NTN4: variants seen among roughly 807,000 people sequenced by gnomAD.
The protein encoded by NTN4 is netrin-4.
Under a neutral mutation model 73.6 loss-of-function variants are expected in NTN4, and 32 were observed. The observed-to-expected ratio is 0.44, with a 90% CI of 0.33 to 0.58. The LOEUF (loss-of-function observed/expected upper bound fraction) is 0.58, where lower values mean the gene tolerates loss of function less well. NTN4 is among the 20% of genes least tolerant of loss of function. The pLI is 0.04. For missense variants in NTN4, 654 were observed against 798.3 expected (o/e 0.82, Z 2.18); for synonymous variants, 258 against 287.5 (o/e 0.90, Z 1.04).
chr12:95,708,880 C>G (rs992912261), intron 5 of NTN4, among the ~76,000 whole-genome samples: 1 of 152,146 alleles, frequency 6.6e-6, no homozygotes, highest in Admixed American at 6.5e-5. Flanking sequence ...ACACAGCTGG[C>G]AATTGGCAGT....
intron 3 of NTN4, among the ~76,000 whole-genome samples, chr12:95,735,037 C>T (rs1292108337): frequency 6.6e-6 from 1 of 152,116 alleles, no homozygotes; most frequent in African/African-American, 2.4e-5. Context: ...GAAACTCCAT[C>T]TCAAAAAACA....
intron 5 of NTN4, among the ~76,000 whole-genome samples, chr12:95,685,105 A>G (rs1363018461): frequency 1.3e-5 from 2 of 152,152 alleles, no homozygotes; most frequent in Non-Finnish European, 2.9e-5. Context: ...GACTCAAGCG[A>G]TCTGCCCACC....
chr12:95,703,989 G>A (rs77013554), intron 5 of NTN4, among the ~76,000 whole-genome samples: 3,923 of 152,184 alleles, frequency 0.026, 61 homozygotes, highest in Middle Eastern at 0.048. Context: ...GTGCAGTGGC[G>A]TGATCCTAAC....
intron 2 of NTN4, among the ~76,000 whole-genome samples, chr12:95,783,356 A>C (rs919750711): frequency 6.6e-6 from 1 of 152,242 alleles, no homozygotes; most frequent in East Asian, 1.9e-4. Flanking sequence ...TGTATTTATA[A>C]ATGTTTCAAT....
intron 2 of NTN4, among the ~76,000 whole-genome samples, chr12:95,780,763 A>T (rs11835702): frequency 0.044 from 6,711 of 152,282 alleles, 489 homozygotes; most frequent in African/African-American, 0.15. Context: ...GGGATCTAGA[A>T]CTAGAAATAC....
chr12:95,707,037 G>C (rs548909902), intron 5 of NTN4, among the ~76,000 whole-genome samples: 1 of 152,302 alleles, frequency 6.6e-6, no homozygotes, highest in Non-Finnish European at 1.5e-5. Context: ...TAGTTTGCTT[G>C]CTAACTTCAA....
At chr12:95,742,795 C>T (rs990909947) in intron 2 of NTN4, among the ~76,000 whole-genome samples, 2 of 152,170 alleles carry the variant, frequency 1.3e-5, no homozygotes, top group African/African-American at 4.8e-5. Flanking sequence ...CCCAGCATGT[C>T]CCACAGTCTC....
chr12:95,703,221 T>A (rs1043763451), intron 5 of NTN4, among the ~76,000 whole-genome samples: 1 of 152,184 alleles, frequency 6.6e-6, no homozygotes, highest in Non-Finnish European at 1.5e-5. Flanking sequence ...AGGGCTGTCA[T>A]ATGTTCATTG....
chr12:95,670,024 C>A (rs764830170), intron 8 of NTN4, 54 bp downstream of exon 8: 5 of 1,080,622 alleles, frequency 4.6e-6, no homozygotes, highest in Admixed American at 4.6e-5. Context: ...CTTAAAAATT[C>A]TCTGAACTTA....
chr12:95,781,312 T>TA lies in NTN4; in HGVS notation c.585+5626dup, dbSNP rs1279362853. 6.6e-6 allele frequency among the ~76,000 whole-genome samples: 1 copy of TA among 151,996 alleles called. No individual in the cohort carries two copies. Among genetic ancestry groups the TA allele is most frequent in the African/African-American group, 2.4e-5 (1 of 41,364 alleles). On this transcript the variant is annotated intron_variant, in intron 2 of 9. Transcript: ENST00000343702. The surrounding 1 kb of genome is among the most constrained non-coding windows in gnomAD (Gnocchi z 4.1). The stretch of plus-strand genomic sequence containing the variant: ...GAACTTAAAGTATAATAAAAAAATT[T>TA]AAAAAACCATACCATTACCATAAAG...
At chr12:95,696,922 T>C (rs1342661921) in intron 5 of NTN4, among the ~76,000 whole-genome samples, 1 of 152,028 alleles carries the variant, frequency 6.6e-6, no homozygotes, top group African/African-American at 2.4e-5. Flanking sequence ...GTAACCTCAG[T>C]ACTTTGGGAG....
rs1213265049 is a variant in NTN4 at position 95,665,936 on chromosome 12, C to A, written c.1624G>T (p.Val542Phe). ...ILSAHDKGTH[V>F]EVNVKIKKVL... Reference sequence around the variant, plus strand: ...TTTTTAATCTTCACATTGACCTCAACATGAGTACCTTTATCATGAGCTGAT... The same window carrying A: ...TTTTTAATCTTCACATTGACCTCAAAATGAGTACCTTTATCATGAGCTGAT... The change falls in exon 9 of 10, where the codon GTT becomes TTT. Residue 542 changes from valine to phenylalanine, a missense_variant. Transcript: ENST00000343702. 6.2e-7 allele frequency: 1 copy of A among 1,613,352 alleles called. No individual in the cohort carries two copies. The highest frequency in any genetic ancestry group is 2.2e-5 in the East Asian group (1 of 44,860).
intron 5 of NTN4, among the ~76,000 whole-genome samples, chr12:95,708,833 CTG>C (rs2078541130): frequency 6.6e-6 from 1 of 152,168 alleles, no homozygotes; most frequent in Admixed American, 6.5e-5. Context: ...TATGAAGAAA[CTG>C]AAGTCTGAAG....
chr12:95,672,789 C>A (rs1216199036), intron 7 of NTN4: 19 of 1,314,090 alleles, frequency 1.4e-5, no homozygotes, highest in Non-Finnish European at 2.0e-5. Context: ...CTATTGCCAG[C>A]GCTCTGCCCT....
At chr12:95,690,079 A>G (rs985290528) in intron 5 of NTN4, among the ~76,000 whole-genome samples, 1 of 152,216 alleles carries the variant, frequency 6.6e-6, no homozygotes, top group Non-Finnish European at 1.5e-5. Context: ...CGTCACTAGC[A>G]CTTAGTAAGA....
intron 2 of NTN4, among the ~76,000 whole-genome samples, chr12:95,742,053 T>C (rs2078830623): frequency 6.6e-6 from 1 of 152,212 alleles, no homozygotes. Context: ...CCCTTGAACT[T>C]TGCCTGAGGA....
intron 2 of NTN4, among the ~76,000 whole-genome samples, chr12:95,785,390 TC>T (rs2121304727): frequency 6.6e-6 from 1 of 152,346 alleles, no homozygotes; most frequent in African/African-American, 2.4e-5. Context: ...TCTGTCTCTT[TC>T]CTGTCGTGGT....
In NTN4 at chr12:95,738,237, A is replaced by T. The variant is rs1467828554; in HGVS notation, c.586-93T>A. 8 of 1,168,484 alleles carry T rather than the reference A, an allele frequency of 6.8e-6. No individual in the cohort carries two copies. The East Asian group carries it at 1.7e-4, about 24-fold the overall frequency. The allele number at this position is 1,168,484 out of a possible 1,614,324, so 72.4% of individuals were successfully genotyped here. A position where few individuals can be genotyped will look rare whatever the true frequency, so the allele number is the denominator to read the frequency against. Reference sequence around the variant, plus strand: ...GTAGTCCCTGTTTGATTTATGCCTTATGTCATCTGTGAACGATAAGATAAC... The same window carrying T: ...GTAGTCCCTGTTTGATTTATGCCTTTTGTCATCTGTGAACGATAAGATAAC... On this transcript the variant is annotated intron_variant, in intron 2 of 9. Coordinates refer to ENST00000343702, the MANE Select transcript of NTN4 (RefSeq NM_021229.4).
At chr12:95,681,146 G>T (rs562256168) in intron 7 of NTN4, among the ~76,000 whole-genome samples, 12 of 145,388 alleles carry the variant, frequency 8.3e-5, no homozygotes, top group African/African-American at 2.6e-4. Flanking sequence ...CCAAGATTGT[G>T]CCACTGCACT....
Sources: allele counts gnomAD v4.1 joint callset (sites outside exome capture counted in the v4.1 genomes callset), GRCh38; gene constraint gnomAD v4.1.1; non-coding constraint Gnocchi (gnomAD v3.1); transcripts MANE v1.5; gene names NCBI Gene and HGNC (gene_info 2026-07-23, HGNC 2026-07-21).